The following KIAA1217 variants were observed in gnomAD, a reference collection of about 807,000 sequenced individuals.
KIAA1217 encodes the protein sickle tail protein homolog.
A neutral mutation model predicts 163.9 loss-of-function variants in KIAA1217; 88 were observed. The ratio of observed to expected loss-of-function variants is 0.54; its 90% CI spans 0.45 to 0.64. KIAA1217 has a LOEUF of 0.64. KIAA1217 is among the 30% of genes least tolerant of loss of function. The pLI is 0.00. For missense variants in KIAA1217, 2,372 were observed against 2,475.0 expected (o/e 0.96, Z 0.88); for synonymous variants, 903 against 923.1 (o/e 0.98, Z 0.39).
intron 1 of KIAA1217, among the ~76,000 whole-genome samples, chr10:23,825,771 A>G (rs1363813945): frequency 6.6e-6 from 1 of 152,190 alleles, no homozygotes; most frequent in Non-Finnish European, 1.5e-5. Flanking sequence ...AAATAGTGGT[A>G]AAACGTGGAT....
At chr10:23,711,194 T>C (rs1837231110) in intron 1 of KIAA1217, among the ~76,000 whole-genome samples, 1 of 152,092 alleles carries the variant, frequency 6.6e-6, no homozygotes, top group African/African-American at 2.4e-5. Context: ...GGAATGATGT[T>C]CCCTTAACCC....
chr10:24,364,764 TTC>T (rs2050535724), intron 2 of KIAA1217, among the ~76,000 whole-genome samples: 1 of 151,862 alleles, frequency 6.6e-6, no homozygotes, highest in South Asian at 2.1e-4. Context: ...CTTCCTTCCT[TTC>T]TTTCTTTCTT....
intron 2 of KIAA1217, among the ~76,000 whole-genome samples, chr10:24,300,630 C>T (rs11014009): frequency 0.075 from 11,354 of 151,854 alleles, 557 homozygotes; most frequent in East Asian, 0.23. Flanking sequence ...TGCAGTGGCA[C>T]GATCTCGACT....
At chr10:24,235,036 G>C (rs961582655) in intron 2 of KIAA1217, among the ~76,000 whole-genome samples, 1 of 152,190 alleles carries the variant, frequency 6.6e-6, no homozygotes, top group Non-Finnish European at 1.5e-5. Flanking sequence ...AGCTCTATTA[G>C]TCACAGTTCT....
intron 1 of KIAA1217, among the ~76,000 whole-genome samples, chr10:23,982,370 T>C (rs916533850): frequency 6.6e-6 from 1 of 152,120 alleles, no homozygotes; most frequent in African/African-American, 2.4e-5. Context: ...TTTTCCCCGA[T>C]GATTCCCTGG....
chr10:24,396,956 G>A (rs2055847880), intron 3 of KIAA1217, among the ~76,000 whole-genome samples: 1 of 152,108 alleles, frequency 6.6e-6, no homozygotes, highest in African/African-American at 2.4e-5. Flanking sequence ...GACCAGTTAG[G>A]AGTCTTGCAA....
At chr10:24,017,531 T>C (rs1359961449) in intron 2 of KIAA1217, among the ~76,000 whole-genome samples, 1 of 152,108 alleles carries the variant, frequency 6.6e-6, no homozygotes, top group Non-Finnish European at 1.5e-5. Context: ...CAAATAAACC[T>C]GAAAAAGTAA....
chr10:23,771,355 A>C (rs903319333), intron 1 of KIAA1217, among the ~76,000 whole-genome samples: 1 of 152,200 alleles, frequency 6.6e-6, no homozygotes, highest in Non-Finnish European at 1.5e-5. Context: ...AAAGCCCACA[A>C]AATTTTAATA....
At chr10:24,112,427 C>T (rs966641636) in intron 2 of KIAA1217, among the ~76,000 whole-genome samples, 6 of 152,104 alleles carry the variant, frequency 3.9e-5, no homozygotes, top group Non-Finnish European at 5.9e-5. Flanking sequence ...AGCCTGGTGT[C>T]GTGGACTGAA....
At chr10:24,303,099 A>G (rs1281395829) in intron 2 of KIAA1217, among the ~76,000 whole-genome samples, 5 of 152,128 alleles carry the variant, frequency 3.3e-5, no homozygotes, top group South Asian at 2.1e-4. Flanking sequence ...CTGCAGCCGC[A>G]AACTCCTGGG....
intron 1 of KIAA1217, among the ~76,000 whole-genome samples, chr10:23,859,641 AT>A: frequency 6.6e-6 from 1 of 152,302 alleles, no homozygotes; most frequent in East Asian, 1.9e-4. Context: ...TCACATTTAA[AT>A]ACGAACTTTG....
Position 23,782,871 on chromosome 10 carries a change from T to C in KIAA1217, c.-321+87637T>C, listed in dbSNP as rs567908355. Among the ~76,000 whole-genome samples, 13 of 152,350 alleles carry C rather than the reference T, an allele frequency of 8.5e-5. No homozygotes were observed. The South Asian group carries it at 2.7e-3, about 32-fold the overall frequency. ...GCTCTTGCCAGTACTTCTACTATTA[T>C]GTTGAATACAAGTATTAAGAATGGG... is the stretch of plus-strand genomic sequence containing the variant. On this transcript the variant is annotated intron_variant, in intron 1 of 18. Transcript: ENST00000376462.
At chr10:24,234,275 A>T (rs4631779) in intron 2 of KIAA1217, among the ~76,000 whole-genome samples, 53,110 of 151,732 alleles carry the variant, frequency 0.35, 9,804 homozygotes, top group Non-Finnish European at 0.42. Flanking sequence ...AAATCCAAAA[A>T]AAAAAAAAAA....
chr10:24,473,362 G>A lies in KIAA1217; in HGVS notation c.981G>A (p.Pro327=), dbSNP rs61735605. 3,711 of 1,605,388 alleles carry A rather than the reference G, an allele frequency of 2.3e-3. 21 individuals are homozygous for A. Among genetic ancestry groups the A allele is most frequent in the African/African-American group, 0.02 (1,521 of 74,614 alleles). The change falls in exon 6 of 21, where the codon CCG becomes CCA. Residue 327 remains proline (P), a synonymous_variant. Transcript: ENST00000376454. ...TGCCCCATTCCATGCCCCCCTCCCC[G>A]TCCAGAATTCCTTATGGGGGCACCC... The part of the protein sequence containing the change: ...TPVPHSMPPS[P]SRIPYGGTRS...
rs564739033 is a variant in KIAA1217, at chr10:24,260,246, C to T, written c.354+40337C>T. On this transcript the variant is annotated intron_variant, in intron 2 of 20. Transcript: ENST00000376454. ...TCTTTGAAGGATGAGGAAGGGGACC[C>T]GGGAATGAGTGGCTCTGCTTCAGGA... 2.4e-4 allele frequency among the ~76,000 whole-genome samples: 37 copies of T among 151,960 alleles called. No individual in the cohort carries two copies. The South Asian group carries it at 6.2e-3, about 26-fold the overall frequency.
intron 2 of KIAA1217, among the ~76,000 whole-genome samples, chr10:24,061,170 G>T (rs1442500248): frequency 6.6e-6 from 1 of 151,854 alleles, no homozygotes; most frequent in Non-Finnish European, 1.5e-5. Flanking sequence ...TCTTCTGTAG[G>T]TATTTTCTTT....
chr10:24,149,856 A>G (rs1285639502), intron 2 of KIAA1217, among the ~76,000 whole-genome samples: 2 of 152,174 alleles, frequency 1.3e-5, no homozygotes, highest in East Asian at 1.9e-4. Context: ...ATGTCGCAAT[A>G]CCCCCAAAAT....
At chr10:24,040,073 T>C (rs948026129) in intron 2 of KIAA1217, among the ~76,000 whole-genome samples, 2 of 152,236 alleles carry the variant, frequency 1.3e-5, no homozygotes, top group Non-Finnish European at 2.9e-5. Flanking sequence ...CTGTTTTAAA[T>C]GGTGTCAAGA....
At chr10:24,067,561 A>T (rs1334776859) in intron 2 of KIAA1217, among the ~76,000 whole-genome samples, 1 of 152,038 alleles carries the variant, frequency 6.6e-6, no homozygotes, top group Non-Finnish European at 1.5e-5. Flanking sequence ...CTACTGGGGG[A>T]TGCCTCCCAG....
Sources: gnomAD v4.1 joint callset for allele counts (sites outside exome capture counted in the v4.1 genomes callset) on GRCh38, gnomAD v4.1.1 for gene constraint, MANE v1.5 for transcripts, NCBI Gene and HGNC (gene_info 2026-07-23, HGNC 2026-07-21) for gene names.